PRIM2: variants seen among roughly 807,000 people sequenced by gnomAD.
PRIM2 encodes the protein DNA primase large subunit.
In PRIM2, 39 loss-of-function variants were observed where a neutral mutation model predicts 67.3. That is an observed-to-expected ratio of 0.58 (90% confidence interval 0.45 to 0.76). PRIM2 has a LOEUF of 0.76. Among genes scored for constraint, PRIM2 ranks in the 30% least tolerant of loss-of-function variants. PRIM2 has a pLI of 0.00. For synonymous variants in PRIM2, 143 were observed against 198.7 expected (o/e 0.72, Z 2.36); for missense variants, 398 against 598.7 (o/e 0.66, Z 3.50).
intron 7 of PRIM2, among the ~76,000 whole-genome samples, chr6:57,489,685 T>G (rs1554345776): frequency 1.4e-4 from 21 of 152,408 alleles, no homozygotes; most frequent in Non-Finnish European, 2.2e-4. Context: ...TTTGTTAACT[T>G]ATTTGGGATT....
chr6:57,254,582 G>T, the PRIM2 span, among the ~76,000 whole-genome samples: 74 of 152,296 alleles, frequency 4.9e-4, no homozygotes, highest in African/African-American at 1.7e-3. Context: ...AAGCCCACCA[G>T]GAGTTTTGCT....
At chr6:57,276,874 C>A in the PRIM2 span, among the ~76,000 whole-genome samples, 1 of 150,784 alleles carries the variant, frequency 6.6e-6, no homozygotes, top group Non-Finnish European at 1.5e-5. Context: ...GGGTGACCAA[C>A]TGAGACCCTG....
chr6:57,501,640 G>A (rs1335039999), intron 7 of PRIM2, among the ~76,000 whole-genome samples: 1 of 152,064 alleles, frequency 6.6e-6, no homozygotes, highest in Non-Finnish European at 1.5e-5. Flanking sequence ...TTTTTATGTG[G>A]GGTGTTTTGA....
the PRIM2 span, among the ~76,000 whole-genome samples, chr6:57,255,170 C>T: frequency 1.3e-5 from 2 of 152,074 alleles, no homozygotes; most frequent in Admixed American, 6.6e-5. Context: ...AGGCCTTCTC[C>T]ATACTGCCGA....
At chr6:57,316,358 G>A (rs760498285), upstream of PRIM2, among the ~76,000 whole-genome samples, 11 of 152,164 alleles carry the variant, frequency 7.2e-5, no homozygotes, top group East Asian at 2.1e-3. Flanking sequence ...GTTGCAGTGA[G>A]CCAAGATCGC....
chr6:57,442,988 A>G (rs1772248559), intron 7 of PRIM2, among the ~76,000 whole-genome samples: 1 of 152,000 alleles, frequency 6.6e-6, no homozygotes, highest in Admixed American at 6.6e-5. Flanking sequence ...TCTGAGTTCG[A>G]TTATTTTAGA....
chr6:57,575,839 T>G (rs1209445392), intron 10 of PRIM2, among the ~76,000 whole-genome samples: 1 of 152,182 alleles, frequency 6.6e-6, no homozygotes, highest in Non-Finnish European at 1.5e-5. Context: ...AGTGCAGTTG[T>G]GCGACCTAGA....
chr6:57,248,593 T>C, the PRIM2 span, among the ~76,000 whole-genome samples: 1 of 152,294 alleles, frequency 6.6e-6, no homozygotes, highest in East Asian at 1.9e-4. Flanking sequence ...AGGTTTCCCA[T>C]TGGTTTATTC....
intron 5 of PRIM2, among the ~76,000 whole-genome samples, chr6:57,378,008 C>T (rs1409610639): frequency 2.8e-4 from 43 of 151,354 alleles, no homozygotes; most frequent in Admixed American, 4.6e-4. Context: ...TAATGAAAAC[C>T]CAGGTTCCAT....
intron 7 of PRIM2, among the ~76,000 whole-genome samples, chr6:57,384,479 T>G (rs1180080250): frequency 1.3e-5 from 2 of 152,192 alleles, no homozygotes; most frequent in Non-Finnish European, 2.9e-5. Context: ...CAATCCTATT[T>G]CTAAATAAGG....
intron 8 of PRIM2, among the ~76,000 whole-genome samples, chr6:57,508,377 GT>G (rs1774293482): frequency 6.6e-6 from 1 of 151,588 alleles, no homozygotes; most frequent in Non-Finnish European, 1.5e-5. Context: ...AAACATTATT[GT>G]TAGTGACTAC....
intron 8 of PRIM2, among the ~76,000 whole-genome samples, chr6:57,530,318 G>T (rs1434885450): frequency 1.3e-5 from 2 of 152,186 alleles, no homozygotes; most frequent in African/African-American, 2.4e-5. Flanking sequence ...TGAGTCTCTG[G>T]TGGCAGCAAC....
intron 5 of PRIM2, among the ~76,000 whole-genome samples, chr6:57,337,242 C>G (rs1335840956): frequency 1.3e-5 from 2 of 152,062 alleles, no homozygotes; most frequent in African/African-American, 4.8e-5. Context: ...GAGACTTAGA[C>G]TCCCACACAT....
chr6:57,632,457 C>G (rs1777052780), intron 13 of PRIM2, among the ~76,000 whole-genome samples: 1 of 152,192 alleles, frequency 6.6e-6, no homozygotes, highest in Non-Finnish European at 1.5e-5. Flanking sequence ...ACCCACCACT[C>G]CATATCTAGG....
intron 9 of PRIM2, among the ~76,000 whole-genome samples, chr6:57,536,955 A>G (rs1242101546): frequency 3.3e-5 from 5 of 152,184 alleles, no homozygotes; most frequent in Non-Finnish European, 5.9e-5. Flanking sequence ...ACAAAACTGT[A>G]TAAAATTTAA....
intron 7 of PRIM2, among the ~76,000 whole-genome samples, chr6:57,387,685 T>G (rs1274302451): frequency 1.3e-5 from 2 of 151,724 alleles, no homozygotes; most frequent in Non-Finnish European, 2.9e-5. Context: ...TGATAACCAG[T>G]TAGGGAAAAG....
chr6:57,590,473 C>T (rs1378405319), intron 10 of PRIM2, among the ~76,000 whole-genome samples: 1 of 152,034 alleles, frequency 6.6e-6, no homozygotes, highest in Non-Finnish European at 1.5e-5. Context: ...ATAGCATGGA[C>T]AAGAGAGCAG....
intron 10 of PRIM2, among the ~76,000 whole-genome samples, chr6:57,598,536 C>CAATG (rs1776408067): frequency 6.6e-6 from 1 of 152,070 alleles, no homozygotes; most frequent in Non-Finnish European, 1.5e-5. Context: ...TTTGGTTGAC[C>CAATG]AATGGGGTGT....
chr6:57,280,395 TTAAA>T, the PRIM2 span, among the ~76,000 whole-genome samples: 1 of 152,188 alleles, frequency 6.6e-6, no homozygotes, highest in Non-Finnish European at 1.5e-5. Context: ...TCTTTTTTTT[TTAAA>T]TAAACTTTTA....
Sources: gnomAD v4.1 joint callset for allele counts (sites outside exome capture counted in the v4.1 genomes callset) on GRCh38, gnomAD v4.1.1 for gene constraint, MANE v1.5 for transcripts, NCBI Gene and HGNC (gene_info 2026-07-23, HGNC 2026-07-21) for gene names.